RPA1: variants seen among roughly 807,000 people sequenced by gnomAD.
RPA1 encodes the protein replication protein A 70 kDa DNA-binding subunit.
In RPA1, 49 loss-of-function variants were observed where a neutral mutation model predicts 83.0. That is an observed-to-expected ratio of 0.59 (90% CI 0.47 to 0.75). The LOEUF is 0.75. Among genes scored for constraint, RPA1 ranks in the 30% least tolerant of loss-of-function variants. The probability of loss-of-function intolerance (pLI) is 0.00; values close to 1 mark genes in which losing one functional copy is unlikely to be tolerated. For missense variants in RPA1, 693 were observed against 776.1 expected (o/e 0.89, Z 1.27); for synonymous variants, 279 against 281.8 (o/e 0.99, Z 0.10).
intron 1 of RPA1, among the ~76,000 whole-genome samples, chr17:1,831,816 G>T (rs1036068603): frequency 6.6e-6 from 1 of 150,802 alleles, no homozygotes; most frequent in African/African-American, 2.4e-5. Context: ...AGCCAGGATG[G>T]TCTCGATCTC....
intron 15 of RPA1, among the ~76,000 whole-genome samples, chr17:1,892,529 C>T (rs1295794104): frequency 6.6e-6 from 1 of 152,212 alleles, no homozygotes; most frequent in Non-Finnish European, 1.5e-5. Context: ...CCTATTAGCA[C>T]ATCAGAGCTA....
intron 7 of RPA1, among the ~76,000 whole-genome samples, chr17:1,876,192 C>T (rs1312993297): frequency 6.6e-6 from 1 of 152,174 alleles, no homozygotes; most frequent in Non-Finnish European, 1.5e-5. Flanking sequence ...AAATAATCTG[C>T]ACTATTTGTA....
chr17:1,838,907 G>C (rs1226757990), intron 1 of RPA1, among the ~76,000 whole-genome samples: 1 of 152,068 alleles, frequency 6.6e-6, no homozygotes. Flanking sequence ...CTGGAGTGCA[G>C]TGGCACGATC....
rs1222861646 is a variant in RPA1 at position 1,861,412 on chromosome 17, T to TG, written c.361+8229dup. On this transcript the variant is annotated intron_variant, in intron 5 of 16. Transcript: ENST00000254719. Reference sequence around the variant, plus strand: ...TCTCACGTATTTTCTCCCTTTCTGGTGGGGGGAGGGGGTTATGTTAGGTGT... The same window carrying TG: ...TCTCACGTATTTTCTCCCTTTCTGGTGGGGGGGAGGGGGTTATGTTAGGTGT... Among the ~76,000 whole-genome samples the TG allele has an allele frequency of 3.3e-5, 5 of 152,132 alleles. No individual in the cohort carries two copies. The East Asian group carries it at 5.8e-4, about 18-fold the overall frequency.
At chr17:1,830,485 C>T (rs1911504277) in intron 1 of RPA1, 3 of 235,940 alleles carry the variant, frequency 1.3e-5, no homozygotes, top group Non-Finnish European at 2.5e-5. Flanking sequence ...CTTTCATCAA[C>T]TCTTTAACCC....
intron 5 of RPA1, among the ~76,000 whole-genome samples, chr17:1,858,730 G>A (rs1461939429): frequency 6.6e-6 from 1 of 151,940 alleles, no homozygotes; most frequent in Non-Finnish European, 1.5e-5. Flanking sequence ...CTCCCAAAGT[G>A]CTGGAATTAC....
chr17:1,859,726 G>A (rs530044560), intron 5 of RPA1, among the ~76,000 whole-genome samples: 20 of 152,212 alleles, frequency 1.3e-4, no homozygotes, highest in African/African-American at 4.6e-4. Flanking sequence ...AACACCTTGG[G>A]CTCAAGCAAT....
chr17:1,888,450 CAGAACTTGGCTTATT>C (rs772687784), intron 13 of RPA1, among the ~76,000 whole-genome samples: 23 of 152,328 alleles, frequency 1.5e-4, no homozygotes, highest in African/African-American at 4.8e-4. Flanking sequence ...TTATCTGCCT[CAGAACTTGGCTTATT>C]AGAACTTGGC....
At chr17:1,853,472 C>G (rs17338684) in intron 5 of RPA1, among the ~76,000 whole-genome samples, 1 of 152,170 alleles carries the variant, frequency 6.6e-6, no homozygotes, top group Non-Finnish European at 1.5e-5. Context: ...CACTTGACGT[C>G]AGGAGTTCGA....
intron 5 of RPA1, among the ~76,000 whole-genome samples, chr17:1,869,884 GATTTGCAC>G (rs1217465706): frequency 1.3e-5 from 2 of 152,164 alleles, no homozygotes; most frequent in Non-Finnish European, 2.9e-5. Context: ...TCTTGTGCCA[GATTTGCAC>G]ATCTGGTCCA....
At chr17:1,882,159 C>G (rs186239557) in intron 12 of RPA1, among the ~76,000 whole-genome samples, 1 of 152,172 alleles carries the variant, frequency 6.6e-6, no homozygotes, top group South Asian at 2.1e-4. Context: ...CAGCTCCTCT[C>G]CGCCACCACT....
intron 6 of RPA1, among the ~76,000 whole-genome samples, chr17:1,873,969 G>GAC (rs1411019125): frequency 1.7e-5 from 2 of 116,400 alleles, no homozygotes; most frequent in African/African-American, 3.4e-5. Context: ...CTCTAGCCTG[G>GAC]ACAACAAAGT....
At chr17:1,893,067 TTCTG>T in intron 15 of RPA1, among the ~76,000 whole-genome samples, 1 of 152,346 alleles carries the variant, frequency 6.6e-6, no homozygotes, top group East Asian at 1.9e-4. Context: ...CTGTCCCCAG[TTCTG>T]TCTGTTTGGG....
intron 3 of RPA1, 107 bp downstream of exon 3, chr17:1,844,105 C>A: frequency 1.2e-6 from 1 of 852,270 alleles, no homozygotes. Flanking sequence ...TCCGTACTTG[C>A]TTGGCTACGT....
intron 1 of RPA1, among the ~76,000 whole-genome samples, chr17:1,831,710 T>C (rs1294668864): frequency 1.3e-5 from 2 of 150,656 alleles, no homozygotes; most frequent in African/African-American, 4.9e-5. Context: ...GCCATTCTCC[T>C]GTCTCAGCCT....
chr17:1,863,289 G>T (rs952899017), intron 5 of RPA1, among the ~76,000 whole-genome samples: 27 of 151,422 alleles, frequency 1.8e-4, no homozygotes, highest in African/African-American at 6.3e-4. Flanking sequence ...TCGGCTCACT[G>T]CAACCTCCAC....
intron 1 of RPA1, chr17:1,830,668 C>T (rs1177003032): frequency 6.6e-6 from 1 of 152,552 alleles, no homozygotes; most frequent in African/African-American, 2.4e-5. Flanking sequence ...TTTAGTGGCT[C>T]AGCTTGGCAG....
chr17:1,839,435 C>T (rs746506726), intron 1 of RPA1, among the ~76,000 whole-genome samples: 4 of 151,908 alleles, frequency 2.6e-5, no homozygotes, highest in Non-Finnish European at 5.9e-5. Context: ...AAGCGATTCT[C>T]CTACCTCAGC....
At chr17:1,863,875 A>G (rs1567813985) in intron 5 of RPA1, among the ~76,000 whole-genome samples, 2 of 152,254 alleles carry the variant, frequency 1.3e-5, no homozygotes, top group East Asian at 1.9e-4. Context: ...ATGATGGTCA[A>G]TCATGAATAT....
Sources: gnomAD v4.1 joint callset for allele counts (sites outside exome capture counted in the v4.1 genomes callset) on GRCh38, gnomAD v4.1.1 for gene constraint, MANE v1.5 for transcripts, NCBI Gene and HGNC (gene_info 2026-07-23, HGNC 2026-07-21) for gene names.